PARP9: variants seen among roughly 807,000 people sequenced by gnomAD.
PARP9 encodes the protein protein mono-ADP-ribosyltransferase PARP9.
PARP9 carries 48 observed loss-of-function variants against 68.8 expected under a neutral mutation model. The ratio of observed to expected loss-of-function variants is 0.70; its 90% CI spans 0.55 to 0.89. PARP9 has a LOEUF of 0.89. Ranked by LOEUF, PARP9 falls within the 40% of genes least tolerant of loss-of-function variation. PARP9 has a pLI of 0.00. For missense variants in PARP9, 806 were observed against 969.3 expected, an observed-to-expected ratio of 0.83 and a Z score of 2.24; for synonymous variants, 309 against 333.8, an observed-to-expected ratio of 0.93 and a Z score of 0.81.
At chr3:122,557,567 G>T (rs953532771) in intron 3 of PARP9, among the ~76,000 whole-genome samples, 3 of 152,172 alleles carry the variant, frequency 2.0e-5, no homozygotes, top group African/African-American at 7.2e-5. Flanking sequence ...GCTATTCTCA[G>T]GGCAGCCTCC....
At chr3:122,547,840 G>A (rs567608942) in intron 6 of PARP9, among the ~76,000 whole-genome samples, 2 of 152,174 alleles carry the variant, frequency 1.3e-5, no homozygotes, top group East Asian at 1.9e-4. Flanking sequence ...GCAGCAGAGC[G>A]ACATCCTGTC....
At chr3:122,551,413 G>A (rs1191520534) in intron 5 of PARP9, among the ~76,000 whole-genome samples, 1 of 152,186 alleles carries the variant, frequency 6.6e-6, no homozygotes, top group Non-Finnish European at 1.5e-5. Context: ...AAGAAAGATA[G>A]ACAAAGGCAG....
intron 10 of PARP9, among the ~76,000 whole-genome samples, chr3:122,530,685 CTCTT>C (rs747834822): frequency 6.6e-6 from 1 of 152,210 alleles, no homozygotes; most frequent in Non-Finnish European, 1.5e-5. Flanking sequence ...TTTCTTCCCT[CTCTT>C]TCTTTATGTG....
chr3:122,530,624 A>C (rs2077243452), intron 10 of PARP9, among the ~76,000 whole-genome samples: 1 of 152,184 alleles, frequency 6.6e-6, no homozygotes. Flanking sequence ...GAGGGAAAAA[A>C]ATTATACCTT....
chr3:122,534,541 A>G, intron 10 of PARP9: 1 of 675,644 alleles, frequency 1.5e-6, no homozygotes, highest in Non-Finnish European at 1.8e-6. Context: ...TTATATCACT[A>G]TATAATGAGT....
At chr3:122,555,201 T>G (rs2079541100) in intron 4 of PARP9, 85 bp downstream of exon 4, 2 of 1,264,266 alleles carry the variant, frequency 1.6e-6, no homozygotes, top group Non-Finnish European at 2.2e-6. Flanking sequence ...GGTTTCTACA[T>G]AGTGTTGCAT....
rs532715501 is a variant in PARP9, at chr3:122,530,408, C to A, written c.2081-1665G>T. On this transcript the variant is annotated intron_variant, in intron 10 of 10. Transcript: ENST00000682323. Reference sequence around the variant, plus strand: ...ATCTAGGTCCATGCTCACCGGGCAACTTTCCACCCATCAAGCACTCTGGGG... The same window carrying A: ...ATCTAGGTCCATGCTCACCGGGCAAATTTCCACCCATCAAGCACTCTGGGG... Among the ~76,000 whole-genome samples, 9 of 152,232 alleles carry A rather than the reference C, an allele frequency of 5.9e-5. No individual in the cohort carries two copies. The South Asian group carries it at 1.7e-3, about 28-fold the overall frequency.
intron 4 of PARP9, among the ~76,000 whole-genome samples, chr3:122,555,009 G>A (rs529628433): frequency 1.3e-5 from 2 of 151,742 alleles, no homozygotes; most frequent in African/African-American, 4.8e-5. Flanking sequence ...GAGCCACCAT[G>A]ACCAGCCTAT....
chr3:122,531,486 A>G (rs1261329206), intron 10 of PARP9, among the ~76,000 whole-genome samples: 1 of 152,194 alleles, frequency 6.6e-6, no homozygotes, highest in African/African-American at 2.4e-5. Flanking sequence ...TGCTGGGTGC[A>G]GTGGCTCACA....
chr3:122,547,556 T>C (rs1339367526), intron 6 of PARP9, among the ~76,000 whole-genome samples: 2 of 152,130 alleles, frequency 1.3e-5, no homozygotes, highest in Non-Finnish European at 2.9e-5. Flanking sequence ...AAAATGGTGC[T>C]TCATAAAGTT....
chr3:122,555,031 A>AT (rs1223383768), intron 4 of PARP9, among the ~76,000 whole-genome samples: 1 of 151,964 alleles, frequency 6.6e-6, no homozygotes, highest in Non-Finnish European at 1.5e-5. Context: ...TTAAAAAAAA[A>AT]CTTAAATTAA....
At chr3:122,556,153 A>T (rs1457613462) in intron 3 of PARP9, 32 bp from the exon 4 acceptor site, 3 of 765,708 alleles carry the variant, frequency 3.9e-6, no homozygotes, top group South Asian at 5.7e-5. Context: ...AAAAAAAAAA[A>T]AAAAAAAAAA....
chr3:122,539,507 A>ATTCCTTTCTTTCTTTCCTTC, intron 8 of PARP9, among the ~76,000 whole-genome samples: 2 of 133,236 alleles, frequency 1.5e-5, no homozygotes, highest in East Asian at 4.4e-4. Flanking sequence ...CCAAGATGGC[A>ATTCCTTTCTTTCTTTCCTTC]TTTCTTTCTT....
chr3:122,545,294 A>AG, intron 7 of PARP9, 138 bp downstream of exon 7: 1 of 787,212 alleles, frequency 1.3e-6, no homozygotes, highest in Non-Finnish European at 2.2e-6. Flanking sequence ...GAGAGTAGGC[A>AG]GGTATCCAAG....
At chr3:122,547,112 C>CTTTTT (rs35670026) in intron 6 of PARP9, among the ~76,000 whole-genome samples, 1 of 104,030 alleles carries the variant, frequency 9.6e-6, no homozygotes, top group South Asian at 3.0e-4. Context: ...ATTTTTTTTT[C>CTTTTT]TTTTTTTTTT....
In PARP9 at chr3:122,559,639, A is replaced by T; in HGVS notation, c.-19T>A. ...AGTCCATCCTCCAGGTCCCCGGGGG[A>T]GTCTTTAAATGTTTATTCCCTTTTG... On this transcript the variant is annotated 5_prime_UTR_variant, in exon 2 of 11. Coordinates refer to ENST00000682323, the MANE Select transcript of PARP9 (RefSeq NM_001146105.2). 1 of 1,587,944 alleles carries T rather than the reference A, an allele frequency of 6.3e-7. No individual in the cohort carries two copies.
chr3:122,534,324 G>A (rs1404938337), intron 10 of PARP9: 1 of 984,496 alleles, frequency 1.0e-6, no homozygotes, highest in African/African-American at 1.7e-5. Flanking sequence ...TCCCTGATAG[G>A]CAATGAACCT....
Position 122,536,386 on chromosome 3 carries a change from C to T in PARP9, c.1906-44G>A, listed in dbSNP as rs186271937. 6.7e-4 allele frequency: 1,064 copies of T among 1,595,388 alleles called. 3 individuals carry two copies. The African/African-American group carries it at 0.012, about 18-fold the overall frequency. ...AAGACTGAAAAAGAGGCTAGAGAACCGCTCTTTAAATTGCCTGCTATACTG... is the reference window on the plus strand; with the variant it reads ...AAGACTGAAAAAGAGGCTAGAGAACTGCTCTTTAAATTGCCTGCTATACTG... On this transcript the variant is annotated intron_variant, in intron 9 of 10. Transcript: ENST00000682323.
In PARP9 at chr3:122,558,699, C is replaced by A. The variant is rs538606836; in HGVS notation, c.16-232G>T. Among the ~76,000 whole-genome samples the A allele has an allele frequency of 1.4e-4, 22 of 152,218 alleles. No homozygotes were observed. The South Asian group carries it at 4.6e-3, about 32-fold the overall frequency. ...CATTTCCCTAGGGGCCGATGCATTT[C>A]TTTTTTTAAATTTAATTTTATTGTT... On this transcript the variant is annotated intron_variant, in intron 2 of 10. Coordinates refer to ENST00000682323, the MANE Select transcript of PARP9 (RefSeq NM_001146105.2).
Sources: allele counts gnomAD v4.1 joint callset (sites outside exome capture counted in the v4.1 genomes callset), GRCh38; gene constraint gnomAD v4.1.1; transcripts MANE v1.5; gene names NCBI Gene and HGNC (gene_info 2026-07-23, HGNC 2026-07-21).